Variants in ERP44 observed in about 807,000 individuals in gnomAD.
The protein encoded by ERP44 is endoplasmic reticulum resident protein 44.
Under a neutral mutation model 53.4 loss-of-function variants are expected in ERP44, and 25 were observed. That is an observed-to-expected ratio of 0.47 (90% CI 0.34 to 0.65). The LOEUF is 0.65. Among genes scored for constraint, ERP44 ranks in the 30% least tolerant of loss-of-function variants. The pLI is 0.01. For synonymous variants in ERP44, 145 were observed against 161.2 expected (o/e 0.90, Z 0.76); for missense variants, 338 against 493.2 (o/e 0.69, Z 2.98).
Position 100,083,528 on chromosome 9 carries a change from T to A in ERP44, c.57+15256A>T, listed in dbSNP as rs556342017. On this transcript the variant is annotated intron_variant, in intron 1 of 11. Coordinates refer to ENST00000262455, the MANE Select transcript of ERP44 (RefSeq NM_015051.3). ...GTGTAAGACTTCAAACCTAGGTGACTGAGAACTGAAAGGGAAGACTATTTG... is the reference window on the plus strand; with the variant it reads ...GTGTAAGACTTCAAACCTAGGTGACAGAGAACTGAAAGGGAAGACTATTTG... Among the ~76,000 whole-genome samples the A allele has an allele frequency of 9.8e-5, 15 of 152,324 alleles. 1 individual carries two copies. In the South Asian group the frequency reaches 3.1e-3, roughly 32 times the overall value.
chr9:100,067,403 G>A (rs886320127), intron 1 of ERP44, among the ~76,000 whole-genome samples: 2 of 152,196 alleles, frequency 1.3e-5, no homozygotes, highest in Admixed American at 1.3e-4. Flanking sequence ...GTGTTGGCCG[G>A]GCTGGTCTCC....
chr9:100,059,744 T>A (rs1796469900), intron 2 of ERP44, among the ~76,000 whole-genome samples: 1 of 150,596 alleles, frequency 6.6e-6, no homozygotes, highest in South Asian at 2.1e-4. Context: ...CCAATAACAA[T>A]AAAAGAGATC....
chr9:99,992,474 T>C (rs1379296335), intron 10 of ERP44, among the ~76,000 whole-genome samples: 1 of 152,228 alleles, frequency 6.6e-6, no homozygotes. Flanking sequence ...CAGCCCTTCA[T>C]GCTACAAACT....
intron 4 of ERP44, among the ~76,000 whole-genome samples, chr9:100,025,860 C>T (rs1387584777): frequency 2.0e-5 from 3 of 151,968 alleles, no homozygotes; most frequent in Admixed American, 6.6e-5. Flanking sequence ...CACAGAAAAT[C>T]CAAAAGGGAA....
chr9:99,999,020 G>A, intron 10 of ERP44: 1 of 974,598 alleles, frequency 1.0e-6, no homozygotes, highest in Non-Finnish European at 1.6e-6. Flanking sequence ...GTGGGCAGCG[G>A]GCGCAGCTGC....
intron 10 of ERP44, among the ~76,000 whole-genome samples, chr9:99,989,839 G>A (rs970012722): frequency 3.3e-5 from 5 of 152,182 alleles, no homozygotes; most frequent in Non-Finnish European, 7.4e-5. Context: ...ATGACCGGAT[G>A]GAGCTGAAAA....
chr9:100,002,333 GT>G (rs1830386193), intron 10 of ERP44, among the ~76,000 whole-genome samples: 1 of 152,116 alleles, frequency 6.6e-6, no homozygotes, highest in South Asian at 2.1e-4. Context: ...GAATTTGACT[GT>G]ATACTTACTT....
intron 10 of ERP44, among the ~76,000 whole-genome samples, chr9:100,004,032 T>G (rs1830404372): frequency 6.6e-6 from 1 of 152,080 alleles, no homozygotes; most frequent in Non-Finnish European, 1.5e-5. Context: ...GTCTGGAGTG[T>G]AGGATCATGG....
In ERP44 at chr9:100,022,262, G is replaced by A. The variant is rs747536015; in HGVS notation, c.287-36C>T. The A allele has an allele frequency of 3.2e-6, 5 of 1,570,762 alleles. No homozygotes were observed. In the South Asian group the frequency reaches 3.5e-5, roughly 11 times the overall value. On this transcript the variant is annotated intron_variant, in intron 4 of 11. Coordinates refer to ENST00000262455, the MANE Select transcript of ERP44 (RefSeq NM_015051.3). ...GAAAAAAAATTATTTACCCTCATAT[G>A]TAGTCAGGGCAAGCCTGTTTGCCTA...
chr9:100,039,798 G>A (rs896855966), intron 4 of ERP44, among the ~76,000 whole-genome samples: 4 of 151,894 alleles, frequency 2.6e-5, no homozygotes, highest in African/African-American at 9.7e-5. Flanking sequence ...AAAAAAGAGC[G>A]AAGACCTAAA....
At chr9:100,067,997 G>A (rs1181875500) in intron 1 of ERP44, among the ~76,000 whole-genome samples, 9 of 146,016 alleles carry the variant, frequency 6.2e-5, no homozygotes, top group Admixed American at 2.0e-4. Flanking sequence ...GTCAGCCCCC[G>A]CCAGGCCAGC....
chr9:100,090,438 T>A (rs1826539768), intron 1 of ERP44, among the ~76,000 whole-genome samples: 1 of 152,166 alleles, frequency 6.6e-6, no homozygotes, highest in African/African-American at 2.4e-5. Context: ...TCCCCCTACA[T>A]TATTTAAAAC....
intron 4 of ERP44, among the ~76,000 whole-genome samples, chr9:100,036,619 T>C (rs1297834749): frequency 6.6e-6 from 1 of 152,024 alleles, no homozygotes; most frequent in Non-Finnish European, 1.5e-5. Flanking sequence ...ACTGTAATAA[T>C]CCTGCACATA....
chr9:99,996,533 CT>C (rs34484802), intron 10 of ERP44, among the ~76,000 whole-genome samples: 247 of 151,702 alleles, frequency 1.6e-3, no homozygotes, highest in Admixed American at 2.6e-3. Context: ...CACCATTATT[CT>C]TTTTTTTCCC....
At chr9:100,038,213 A>G (rs1355861090) in intron 4 of ERP44, among the ~76,000 whole-genome samples, 1 of 152,204 alleles carries the variant, frequency 6.6e-6, no homozygotes, top group African/African-American at 2.4e-5. Flanking sequence ...AGAAAATATT[A>G]TAACACTAAT....
At chr9:100,080,958 T>C (rs1209052074) in intron 1 of ERP44, among the ~76,000 whole-genome samples, 5 of 152,028 alleles carry the variant, frequency 3.3e-5, no homozygotes, top group Non-Finnish European at 7.4e-5. Flanking sequence ...GCTTCCTATA[T>C]ATGAAAAGAA....
rs577752655 is a variant in ERP44 at position 100,052,900 on chromosome 9, T to C, written c.171-368A>G. Among the ~76,000 whole-genome samples the C allele has an allele frequency of 8.7e-4, 132 of 152,274 alleles. 5 individuals are homozygous for C. In the South Asian group the frequency reaches 0.026, roughly 30 times the overall value. On this transcript the variant is annotated intron_variant, in intron 3 of 11. Coordinates refer to ENST00000262455, the MANE Select transcript of ERP44 (RefSeq NM_015051.3). ...TGAGGCTTGAACATTTATGAAAAATTAGCTTTCTCTATTTTATTTATTTTT... is the reference window on the plus strand; with the variant it reads ...TGAGGCTTGAACATTTATGAAAAATCAGCTTTCTCTATTTTATTTATTTTT...
At chr9:100,070,376 GAGAA>G (rs1278652391) in intron 1 of ERP44, among the ~76,000 whole-genome samples, 2 of 152,114 alleles carry the variant, frequency 1.3e-5, no homozygotes, top group Admixed American at 6.5e-5. Context: ...AAATAAAAGA[GAGAA>G]AGAAGGTTCT....
chr9:100,037,668 C>G (rs556019853), intron 4 of ERP44, among the ~76,000 whole-genome samples: 3 of 152,080 alleles, frequency 2.0e-5, no homozygotes, highest in Non-Finnish European at 1.5e-5. Context: ...CACAGCAAGA[C>G]AGGGCACCAG....
Sources: gnomAD v4.1 joint callset for allele counts (sites outside exome capture counted in the v4.1 genomes callset) on GRCh38, gnomAD v4.1.1 for gene constraint, MANE v1.5 for transcripts, NCBI Gene and HGNC (gene_info 2026-07-23, HGNC 2026-07-21) for gene names.